Variants in LDHB observed in about 807,000 individuals in gnomAD.
The protein encoded by LDHB is L-lactate dehydrogenase B chain.
LDHB carries 18 observed loss-of-function variants against 33.4 expected under a neutral mutation model. The observed-to-expected ratio is 0.54, with a 90% CI of 0.37 to 0.80. The LOEUF (loss-of-function observed/expected upper bound fraction) is 0.80. Ranked by LOEUF, LDHB falls within the 30% of genes least tolerant of loss-of-function variation. LDHB has a pLI of 0.00. For missense variants in LDHB, 345 were observed against 407.9 expected, an observed-to-expected ratio of 0.85 and a Z score of 1.33; for synonymous variants, 121 against 140.6, an observed-to-expected ratio of 0.86 and a Z score of 0.98.
intron 7 of LDHB, among the ~76,000 whole-genome samples, chr12:21,636,058 G>A (rs372558620): frequency 1.4e-4 from 22 of 152,198 alleles, no homozygotes; most frequent in African/African-American, 5.3e-4. Context: ...CATACACTAT[G>A]AGAAAATTAG....
intron 3 of LDHB, among the ~76,000 whole-genome samples, chr12:21,645,890 C>A (rs1033047345): frequency 1.3e-5 from 2 of 152,128 alleles, no homozygotes; most frequent in African/African-American, 4.8e-5. Context: ...TTCCACCCGA[C>A]GAGAAATGCC....
In LDHB at chr12:21,644,049, C is replaced by T. The variant is rs1172319275; in HGVS notation, c.307G>A (p.Glu103Lys). 5 of 1,613,276 alleles carry T rather than the reference C, an allele frequency of 3.1e-6. No individual in the cohort carries two copies. The highest frequency in any genetic ancestry group is 1.3e-5 in the African/African-American group (1 of 74,900). ...VVVTAGVRQQ[E>K]GESRLNLVQR... ...ACCAGATTGAGCCGACTCTCCCCTTCTTGCTGACGGACTCCTGCAGTTACC... is the reference window on the plus strand; with the variant it reads ...ACCAGATTGAGCCGACTCTCCCCTTTTTGCTGACGGACTCCTGCAGTTACC... Residue 103 changes from glutamate (E) to lysine (K), a missense_variant, in exon 4 of 8, where the codon GAA becomes AAA. By Grantham distance (56) the Glu-to-Lys change is moderately conservative. Coordinates refer to ENST00000350669, the MANE Select transcript of LDHB (RefSeq NM_002300.8).
intron 4 of LDHB, chr12:21,643,611 T>C: frequency 3.6e-6 from 1 of 281,166 alleles, no homozygotes; most frequent in Non-Finnish European, 6.7e-6. Context: ...TTCTTACAAA[T>C]TGAAACTATG....
intron 6 of LDHB, 117 bp from the exon 7 acceptor site, chr12:21,637,311 T>G: frequency 1.3e-6 from 1 of 780,224 alleles, no homozygotes; most frequent in South Asian, 1.5e-5. Context: ...ATTTACCCTT[T>G]ATTGCCTTAG....
intron 5 of LDHB, among the ~76,000 whole-genome samples, chr12:21,639,596 C>T (rs1050493475): frequency 1.3e-5 from 2 of 151,982 alleles, no homozygotes; most frequent in Non-Finnish European, 2.9e-5. Context: ...TTACTGTACA[C>T]CTGACATTGT....
chr12:21,650,673 T>TAA (rs1435085841), intron 2 of LDHB, among the ~76,000 whole-genome samples: 2 of 151,888 alleles, frequency 1.3e-5, no homozygotes, highest in Non-Finnish European at 2.9e-5. Context: ...TAAAGTCTGG[T>TAA]AGTAGAAGAT....
chr12:21,652,402 C>T (rs573995533), intron 2 of LDHB, among the ~76,000 whole-genome samples: 684 of 152,316 alleles, frequency 4.5e-3, no homozygotes, highest in Non-Finnish European at 8.1e-3. Flanking sequence ...AGTATATGAA[C>T]AGTTCCTATC....
intron 1 of LDHB, among the ~76,000 whole-genome samples, chr12:21,656,286 C>T (rs531770444): frequency 1.3e-5 from 2 of 152,288 alleles, no homozygotes; most frequent in South Asian, 2.1e-4. Context: ...ATTCTTTCGC[C>T]TTTACAGATC....
Position 21,646,900 on chromosome 12 carries a change from T to C in LDHB, c.246A>G (p.Lys82=). The C allele has an allele frequency of 6.3e-7, 1 of 1,586,330 alleles. No individual in the cohort carries two copies. Among genetic ancestry groups the C allele is most frequent in the Non-Finnish European group, 8.7e-7 (1 of 1,154,768 alleles). Residue 82 remains lysine, a splice_region_variant and synonymous_variant, in exon 3 of 8, where the codon AAA becomes AAG. Coordinates refer to ENST00000350669, the MANE Select transcript of LDHB (RefSeq NM_002300.8). Reference sequence around the variant, plus strand: ...ACTTTGGGCATTAAGTGAAATTACCTTTATCTGCCACAATTTTAGGTGTCT... The same window carrying C: ...ACTTTGGGCATTAAGTGAAATTACCCTTATCTGCCACAATTTTAGGTGTCT... ...FLQTPKIVAD[K]DYSVTANSKI...
chr12:21,637,018 T>C, intron 7 of LDHB, 53 bp downstream of exon 7: 1 of 1,424,016 alleles, frequency 7.0e-7, no homozygotes, highest in Non-Finnish European at 9.9e-7. Flanking sequence ...ATGAATCTTT[T>C]TGTAGAATAC....
At chr12:21,652,603 A>G (rs1158474578) in intron 2 of LDHB, among the ~76,000 whole-genome samples, 1 of 150,288 alleles carries the variant, frequency 6.7e-6, no homozygotes, top group East Asian at 1.9e-4. Flanking sequence ...TAGTCTATTG[A>G]AACTAGCTAG....
chr12:21,644,007 C>T lies in LDHB; in HGVS notation c.349G>A (p.Val117Ile). 6.2e-7 allele frequency: 1 copy of T among 1,612,794 alleles called. No homozygotes were observed. Among genetic ancestry groups the T allele is most frequent in the Non-Finnish European group, 8.5e-7 (1 of 1,178,840 alleles). ...RLNLVQRNVN[V>I]FKFIIPQIVK... ...ATCTGAGGAATAATGAATTTGAAGA[C>T]ATTAACATTTCTCTGCACCAGATTG... Residue 117 changes from valine (V) to isoleucine (I), a missense_variant, in exon 4 of 8, where the codon GTC becomes ATC. Val to Ile is a conservative substitution (Grantham distance 29, BLOSUM62 3). Coordinates refer to ENST00000350669, the MANE Select transcript of LDHB (RefSeq NM_002300.8).
chr12:21,656,052 C>T (rs1294433028), intron 1 of LDHB, among the ~76,000 whole-genome samples: 4 of 152,260 alleles, frequency 2.6e-5, no homozygotes, highest in Non-Finnish European at 5.9e-5. Context: ...CCATACCTGT[C>T]TCAAACTGTA....
intron 1 of LDHB, among the ~76,000 whole-genome samples, chr12:21,655,404 C>T (rs978385438): frequency 7.2e-5 from 11 of 152,078 alleles, no homozygotes; most frequent in Non-Finnish European, 1.6e-4. Flanking sequence ...AATAAATGGC[C>T]AATTATGAAC....
At chr12:21,640,858 G>C (rs959501979) in intron 5 of LDHB, among the ~76,000 whole-genome samples, 1 of 151,784 alleles carries the variant, frequency 6.6e-6, no homozygotes, top group Non-Finnish European at 1.5e-5. Flanking sequence ...AGACGTAAGA[G>C]TCAGTTTGAA....
intron 5 of LDHB, 24 bp downstream of exon 5, chr12:21,641,928 A>T (rs777343645): frequency 7.6e-6 from 12 of 1,585,836 alleles, no homozygotes; most frequent in Non-Finnish European, 1.0e-5. Context: ...ATCACAAGTA[A>T]TTATTTCTTT....
chr12:21,651,312 G>C (rs1938683052), intron 2 of LDHB, among the ~76,000 whole-genome samples: 1 of 152,202 alleles, frequency 6.6e-6, no homozygotes, highest in African/African-American at 2.4e-5. Context: ...AAAATGACTG[G>C]AGAGTTTTAA....
rs530442423 is a variant in LDHB, at chr12:21,642,631, T to C, written c.422-506A>G. Among the ~76,000 whole-genome samples, 31 of 152,330 alleles carry C rather than the reference T, an allele frequency of 2.0e-4. 2 individuals are homozygous for C. The highest frequency in any genetic ancestry group is 6.3e-4 in the African/African-American group (26 of 41,578). ...TAATACGTAGTATTAAAAATTTCTA[T>C]TTAATAAAAGAACATCTATGTCAGA... is the stretch of plus-strand genomic sequence containing the variant. On this transcript the variant is annotated intron_variant, in intron 4 of 7. Coordinates refer to ENST00000350669, the MANE Select transcript of LDHB (RefSeq NM_002300.8).
At chr12:21,652,603 A>C (rs1158474578) in intron 2 of LDHB, among the ~76,000 whole-genome samples, 1 of 150,180 alleles carries the variant, frequency 6.7e-6, no homozygotes, top group African/African-American at 2.5e-5. Flanking sequence ...TAGTCTATTG[A>C]AACTAGCTAG....
Sources: allele counts gnomAD v4.1 joint callset (sites outside exome capture counted in the v4.1 genomes callset), GRCh38; gene constraint gnomAD v4.1.1; transcripts MANE v1.5; gene names NCBI Gene and HGNC (gene_info 2026-07-23, HGNC 2026-07-21).